Variants in KCNB2 observed in about 807,000 individuals in gnomAD.
KCNB2 encodes the protein delayed rectifier potassium channel protein.
In KCNB2, 15 loss-of-function variants were observed where a neutral mutation model predicts 61.5. The observed-to-expected ratio is 0.24, with a 90% CI of 0.16 to 0.38. The LOEUF is 0.38. Ranked by LOEUF, KCNB2 falls within the 10% of genes least tolerant of loss-of-function variation. KCNB2 has a pLI of 1.00. For missense variants in KCNB2, 828 were observed against 1,125.2 expected, an observed-to-expected ratio of 0.74 and a Z score of 3.78; for synonymous variants, 457 against 446.0, an observed-to-expected ratio of 1.02 and a Z score of -0.31.
intron 2 of KCNB2, among the ~76,000 whole-genome samples, chr8:72,833,654 A>G (rs1305855905): frequency 6.6e-6 from 1 of 152,208 alleles, no homozygotes. Flanking sequence ...CATTAAATCA[A>G]AAAGTGTGGA....
At chr8:72,663,963 T>C (rs947919796) in intron 2 of KCNB2, among the ~76,000 whole-genome samples, 4 of 152,222 alleles carry the variant, frequency 2.6e-5, no homozygotes, top group Admixed American at 2.6e-4. Context: ...TCCTCCTCCT[T>C]CTTGCTTCAA....
intron 2 of KCNB2, among the ~76,000 whole-genome samples, chr8:72,865,077 A>G (rs546268584): frequency 6.6e-6 from 1 of 152,288 alleles, no homozygotes; most frequent in East Asian, 1.9e-4. Flanking sequence ...GTCTCTTCCC[A>G]GAATTATTGC....
intron 2 of KCNB2, among the ~76,000 whole-genome samples, chr8:72,786,141 C>T (rs1397070369): frequency 6.6e-6 from 1 of 151,136 alleles, no homozygotes; most frequent in Non-Finnish European, 1.5e-5. Context: ...ATAAATTATA[C>T]TAGCTTTTCA....
chr8:72,845,382 T>C (rs1809970741), intron 2 of KCNB2, among the ~76,000 whole-genome samples: 1 of 152,206 alleles, frequency 6.6e-6, no homozygotes, highest in Non-Finnish European at 1.5e-5. Context: ...CAACCCCTGC[T>C]GGGAGGTGTC....
chr8:72,854,426 C>A (rs2129003552), intron 2 of KCNB2, among the ~76,000 whole-genome samples: 1 of 152,264 alleles, frequency 6.6e-6, no homozygotes, highest in Admixed American at 6.5e-5. Flanking sequence ...CTGGGCCATA[C>A]TTTTTCAGAT....
At chr8:72,586,499 T>C (rs1807002603) in intron 2 of KCNB2, among the ~76,000 whole-genome samples, 2 of 152,148 alleles carry the variant, frequency 1.3e-5, no homozygotes, top group African/African-American at 4.8e-5. Context: ...AATCTCTCAA[T>C]AGAAAAGAAC....
Position 72,567,842 on chromosome 8 carries a change from A to G in KCNB2, c.108A>G (p.Arg36=), listed in dbSNP as rs1187488904. The change falls in exon 2 of 3, where the codon AGA becomes AGG. Residue 36 remains arginine (R), a synonymous_variant. Coordinates refer to ENST00000523207, the MANE Select transcript of KCNB2 (RefSeq NM_004770.3). ...DIIRSKTCSR[R]VKINVGGLNH... ...TCCGGAGCAAAACATGCTCCAGGAG[A>G]GTTAAGATCAATGTGGGGGGCCTCA... 9 of 1,613,874 alleles carry G rather than the reference A, an allele frequency of 5.6e-6. No homozygotes were observed. The highest frequency in any genetic ancestry group is 5.5e-5 in the South Asian group (5 of 91,074).
intron 2 of KCNB2, among the ~76,000 whole-genome samples, chr8:72,725,510 CATATATATATATATATAT>C (rs774224955): frequency 0.024 from 1,435 of 58,818 alleles, 45 homozygotes; most frequent in African/African-American, 0.086. Context: ...TCTTTGTCTT[CATATATATATATATATAT>C]ATATATATAT....
intron 2 of KCNB2, among the ~76,000 whole-genome samples, chr8:72,873,081 G>T (rs1805644448): frequency 6.6e-6 from 1 of 152,264 alleles, no homozygotes; most frequent in Admixed American, 6.5e-5. Flanking sequence ...ACAAAGTCAG[G>T]TTCTTCTCCC....
At chr8:72,841,726 TGTC>T (rs1809891765) in intron 2 of KCNB2, among the ~76,000 whole-genome samples, 1 of 5,256 alleles carries the variant, frequency 1.9e-4, no homozygotes, top group African/African-American at 3.6e-4. Context: ...ATGATTTGGC[TGTC>T]TGTCTATTAT....
intron 2 of KCNB2, among the ~76,000 whole-genome samples, chr8:72,696,273 G>A (rs1211612970): frequency 2.0e-5 from 3 of 152,188 alleles, no homozygotes; most frequent in Non-Finnish European, 4.4e-5. Context: ...CTAGCTGGGA[G>A]ATAAAGCAGG....
intron 2 of KCNB2, among the ~76,000 whole-genome samples, chr8:72,824,563 T>G (rs980600764): frequency 2.0e-5 from 3 of 152,088 alleles, no homozygotes; most frequent in African/African-American, 7.2e-5. Context: ...TCTCTCCTGC[T>G]TCACCCTAGG....
intron 2 of KCNB2, among the ~76,000 whole-genome samples, chr8:72,670,249 G>T (rs1806541408): frequency 6.6e-6 from 1 of 152,164 alleles, no homozygotes; most frequent in Non-Finnish European, 1.5e-5. Context: ...CTAATGAGTG[G>T]TCACTGCTTT....
chr8:72,574,365 G>A (rs778493804), intron 2 of KCNB2, among the ~76,000 whole-genome samples: 1 of 152,206 alleles, frequency 6.6e-6, no homozygotes, highest in African/African-American at 2.4e-5. Context: ...GTGACCTAGG[G>A]TGCCATAGGT....
At chr8:72,885,190 A>C (rs977465955) in intron 2 of KCNB2, among the ~76,000 whole-genome samples, 1 of 152,078 alleles carries the variant, frequency 6.6e-6, no homozygotes, top group African/African-American at 2.4e-5. Flanking sequence ...TTAACTAAAT[A>C]TTCCTAGGTC....
rs1193972956 is a variant in KCNB2 at position 72,903,796 on chromosome 8, CCTT to C, written c.580-32136_580-32134del. Among the ~76,000 whole-genome samples the C allele has an allele frequency of 2.0e-5, 3 of 152,174 alleles. No individual in the cohort carries two copies. In the South Asian group the frequency reaches 6.2e-4, roughly 32 times the overall value. ...TCATGTCAATAACATATAACTTTCT[CCTT>C]CTACTTCTTCTAGGTGGATTACCTA... On this transcript the variant is annotated intron_variant, in intron 2 of 2. Coordinates refer to ENST00000523207, the MANE Select transcript of KCNB2 (RefSeq NM_004770.3).
Position 72,568,250 on chromosome 8 carries a change from C to T in KCNB2, c.516C>T (p.Cys172=), listed in dbSNP as rs770830370. ...REGEEFDNTC[C]PDKRKKLWDL... ...GAGAAGAGTTTGATAATACCTGCTGCCCTGATAAAAGGAAGAAACTGTGGG... is the reference window on the plus strand; with the variant it reads ...GAGAAGAGTTTGATAATACCTGCTGTCCTGATAAAAGGAAGAAACTGTGGG... Residue 172 remains cysteine, a synonymous_variant, in exon 2 of 3, where the codon TGC becomes TGT. Coordinates refer to ENST00000523207, the MANE Select transcript of KCNB2 (RefSeq NM_004770.3). 6.2e-7 allele frequency: 1 copy of T among 1,613,988 alleles called. No homozygotes were observed. Among genetic ancestry groups the T allele is most frequent in the East Asian group, 2.2e-5 (1 of 44,864 alleles).
At position 72,613,441 on chromosome 8, in the gene KCNB2, T is replaced by G. The variant is rs370154204; in HGVS notation, c.579+45128T>G. Among the ~76,000 whole-genome samples, 3 of 152,218 alleles carry G rather than the reference T, an allele frequency of 2.0e-5. No individual in the cohort carries two copies. The East Asian group carries it at 5.8e-4, about 29-fold the overall frequency. ...TTGAGTCACTGACAGACTATGAAGA[T>G]TTGTCTTACGCACCTAGACAGATAT... On this transcript the variant is annotated intron_variant, in intron 2 of 2. Transcript: ENST00000523207.
chr8:72,646,599 G>A (rs1373112372), intron 2 of KCNB2, among the ~76,000 whole-genome samples: 1 of 152,178 alleles, frequency 6.6e-6, no homozygotes, highest in African/African-American at 2.4e-5. Flanking sequence ...CGAGGACATT[G>A]TGTTGCGTGA....
Sources: gnomAD v4.1 joint callset for allele counts (sites outside exome capture counted in the v4.1 genomes callset) on GRCh38, gnomAD v4.1.1 for gene constraint, MANE v1.5 for transcripts, NCBI Gene and HGNC (gene_info 2026-07-23, HGNC 2026-07-21) for gene names.